MBOAT1: variants seen among roughly 807,000 people sequenced by gnomAD.
MBOAT1 encodes the protein membrane bound glycerophospholipid O-acyltransferase 1, also known as membrane-bound glycerophospholipid O-acyltransferase 1.
In MBOAT1, 67 loss-of-function variants were observed where a neutral mutation model predicts 64.4. The ratio of observed to expected loss-of-function variants is 1.04; its 90% CI spans 0.85 to 1.27. The LOEUF is 1.27. MBOAT1 is among the 50% of genes most tolerant of loss of function. MBOAT1 has a pLI of 0.00. For missense variants in MBOAT1, 563 were observed against 604.6 expected, an observed-to-expected ratio of 0.93 and a Z score of 0.72; for synonymous variants, 229 against 218.9, an observed-to-expected ratio of 1.05 and a Z score of -0.41.
At chr6:20,170,645 C>A (rs1202565786) in intron 1 of MBOAT1, among the ~76,000 whole-genome samples, 1 of 152,174 alleles carries the variant, frequency 6.6e-6, no homozygotes, top group Non-Finnish European at 1.5e-5. Flanking sequence ...TGCTCCTCCC[C>A]CTTAGTCCTT....
chr6:20,108,942 T>G (rs887524235), intron 12 of MBOAT1, among the ~76,000 whole-genome samples: 2 of 152,226 alleles, frequency 1.3e-5, no homozygotes, highest in Admixed American at 6.5e-5. Context: ...GCTCAACCAC[T>G]TCACAACAGT....
chr6:20,180,301 T>C (rs528481009), intron 1 of MBOAT1, among the ~76,000 whole-genome samples: 1 of 152,280 alleles, frequency 6.6e-6, no homozygotes, highest in Admixed American at 6.5e-5. Context: ...ATGGGCTCTT[T>C]TCAACAAACC....
intron 1 of MBOAT1, among the ~76,000 whole-genome samples, chr6:20,199,375 T>C (rs545040580): frequency 6.6e-6 from 1 of 152,312 alleles, no homozygotes; most frequent in South Asian, 2.1e-4. Context: ...TTAATATATT[T>C]CTAAAGACAC....
At chr6:20,207,224 C>T (rs1279757978) in intron 1 of MBOAT1, among the ~76,000 whole-genome samples, 3 of 152,202 alleles carry the variant, frequency 2.0e-5, no homozygotes, top group African/African-American at 7.2e-5. Flanking sequence ...CACTCATCCG[C>T]AAAACCCTTG....
At chr6:20,198,760 A>G (rs1317221718) in intron 1 of MBOAT1, among the ~76,000 whole-genome samples, 1 of 152,236 alleles carries the variant, frequency 6.6e-6, no homozygotes, top group Non-Finnish European at 1.5e-5. Flanking sequence ...AAAAGTCGTA[A>G]GCAGTCAATT....
chr6:20,124,525 C>G lies in MBOAT1; in HGVS notation c.790G>C (p.Val264Leu). 6.2e-7 allele frequency: 1 copy of G among 1,614,184 alleles called. No homozygotes were observed. The highest frequency in any genetic ancestry group is 2.2e-5 in the East Asian group (1 of 44,874). ...LFLTLTKTFP[V>L]TCLVDDWFVH... ...AACCAGTCATCCACAAGGCAGGTGA[C>G]AGGAAAGGTCTTCGTTAGCGTCAAA... Residue 264 changes from valine (V) to leucine (L), a missense_variant, in exon 8 of 13, where the codon GTC (valine) becomes CTC (leucine). By Grantham distance (32) the Val-to-Leu change is conservative. Coordinates refer to ENST00000324607, the MANE Select transcript of MBOAT1 (RefSeq NM_001080480.3).
At chr6:20,202,766 C>T (rs376221581) in intron 1 of MBOAT1, among the ~76,000 whole-genome samples, 7 of 152,148 alleles carry the variant, frequency 4.6e-5, no homozygotes, top group South Asian at 2.1e-4. Flanking sequence ...TTCCCACTGA[C>T]GACTCTCTAT....
intron 8 of MBOAT1, among the ~76,000 whole-genome samples, chr6:20,122,174 A>T (rs1290804436): frequency 6.6e-6 from 1 of 152,164 alleles, no homozygotes; most frequent in Middle Eastern, 3.2e-3. Flanking sequence ...TCAAAAAAAT[A>T]TATATATATT....
Position 20,144,201 on chromosome 6 carries a change from T to C in MBOAT1, c.419+19A>G. ...CAAAGTCAGCAGTAAAACCCCTCTC[T>C]CTAATGTAAGATACTTACCCAGAAA... On this transcript the variant is annotated intron_variant, in intron 4 of 12. Coordinates refer to ENST00000324607, the MANE Select transcript of MBOAT1 (RefSeq NM_001080480.3). 1 of 1,544,852 alleles carries C rather than the reference T, an allele frequency of 6.5e-7. No individual in the cohort carries two copies. The highest frequency in any genetic ancestry group is 8.9e-7 in the Non-Finnish European group (1 of 1,120,064).
intron 9 of MBOAT1, among the ~76,000 whole-genome samples, chr6:20,117,325 T>C (rs1713723768): frequency 6.6e-6 from 1 of 152,190 alleles, no homozygotes; most frequent in Admixed American, 6.5e-5. Context: ...AATAACCAAA[T>C]AGCATGATGA....
At chr6:20,150,986 A>G (rs1761476288) in intron 3 of MBOAT1, among the ~76,000 whole-genome samples, 199 bp downstream of exon 3, 1 of 151,996 alleles carries the variant, frequency 6.6e-6, no homozygotes, top group Admixed American at 6.6e-5. Context: ...CTGAGGCCCA[A>G]TTTGCATTGA....
chr6:20,200,465 A>T (rs1231854491), intron 1 of MBOAT1, among the ~76,000 whole-genome samples: 1 of 152,140 alleles, frequency 6.6e-6, no homozygotes, highest in African/African-American at 2.4e-5. Context: ...GGAGATGGGG[A>T]TATCAAGAAT....
At chr6:20,172,909 C>T (rs1363006430) in intron 1 of MBOAT1, among the ~76,000 whole-genome samples, 2 of 152,100 alleles carry the variant, frequency 1.3e-5, no homozygotes, top group Non-Finnish European at 2.9e-5. Context: ...GGAGGTGGGG[C>T]CTGGTGGGAG....
At chr6:20,208,344 A>G (rs914160086) in intron 1 of MBOAT1, among the ~76,000 whole-genome samples, 60 of 151,168 alleles carry the variant, frequency 4.0e-4, no homozygotes, top group Admixed American at 3.6e-3. Context: ...TACTCTGGAG[A>G]CTGAGGCAGG....
chr6:20,128,765 A>T lies in MBOAT1; in HGVS notation c.476-12T>A. Reference sequence around the variant, plus strand: ...TCTTCGACCTAATCCTATGAAAAAGAAAAGAATTTAGAAATAAGATGTTTG... The same window carrying T: ...TCTTCGACCTAATCCTATGAAAAAGTAAAGAATTTAGAAATAAGATGTTTG... On this transcript the variant is annotated splice_polypyrimidine_tract_variant and intron_variant, in intron 5 of 12. Transcript: ENST00000324607. 6.3e-7 allele frequency: 1 copy of T among 1,585,902 alleles called. No homozygotes were observed. Among genetic ancestry groups the T allele is most frequent in the Non-Finnish European group, 8.6e-7 (1 of 1,166,514 alleles).
chr6:20,118,441 A>T lies in MBOAT1; in HGVS notation c.1007T>A (p.Ile336Asn). The change falls in exon 9 of 13, where the codon ATT (isoleucine) becomes AAT (asparagine). Residue 336 changes from isoleucine to asparagine, a missense_variant. Coordinates refer to ENST00000324607, the MANE Select transcript of MBOAT1 (RefSeq NM_001080480.3). ...GACTTAAAAGCATACACTCACCTCA[A>T]TTTTCCAGATGTTTAGGTTCGAAAG... ...DLLSNLNIWK[I>N]ETATSFKMYL... 6.2e-7 allele frequency: 1 copy of T among 1,613,532 alleles called. No individual in the cohort carries two copies. The highest frequency in any genetic ancestry group is 8.5e-7 in the Non-Finnish European group (1 of 1,179,642).
At chr6:20,205,561 T>G (rs1763237400) in intron 1 of MBOAT1, among the ~76,000 whole-genome samples, 2 of 152,094 alleles carry the variant, frequency 1.3e-5, no homozygotes, top group African/African-American at 2.4e-5. Flanking sequence ...GTCAGCAGTC[T>G]CTGGTAGGCC....
intron 1 of MBOAT1, among the ~76,000 whole-genome samples, chr6:20,170,631 C>A (rs190854307): frequency 1.2e-4 from 18 of 152,304 alleles, no homozygotes; most frequent in African/African-American, 4.3e-4. Flanking sequence ...TTGCACAACC[C>A]TCCTGCTCCT....
chr6:20,200,433 G>A (rs9465656), intron 1 of MBOAT1, among the ~76,000 whole-genome samples: 24,337 of 152,074 alleles, frequency 0.16, 2,236 homozygotes, highest in African/African-American at 0.24. Flanking sequence ...AGCCAAATTG[G>A]TCTTAAAGAG....
Sources: gnomAD v4.1 joint callset for allele counts (sites outside exome capture counted in the v4.1 genomes callset) on GRCh38, gnomAD v4.1.1 for gene constraint, MANE v1.5 for transcripts, NCBI Gene and HGNC (gene_info 2026-07-23, HGNC 2026-07-21) for gene names.